KDM4C: variants seen among roughly 807,000 people sequenced by gnomAD.
KDM4C encodes lysine-specific demethylase 4C.
In KDM4C, 81 loss-of-function variants were observed where a neutral mutation model predicts 129.3. The ratio of observed to expected loss-of-function variants is 0.63; its 90% CI spans 0.52 to 0.75. The LOEUF (loss-of-function observed/expected upper bound fraction) is 0.75, where lower values mean the gene tolerates loss of function less well. Among genes scored for constraint, KDM4C ranks in the 30% least tolerant of loss-of-function variants. The pLI, the probability that KDM4C is intolerant of heterozygous loss-of-function variation, is 0.00. For synonymous variants in KDM4C, 573 were observed against 456.1 expected, an observed-to-expected ratio of 1.26 and a Z score of -3.26; for missense variants, 1,457 against 1,304.0, an observed-to-expected ratio of 1.12 and a Z score of -1.81.
intron 1 of KDM4C, among the ~76,000 whole-genome samples, chr9:6,738,306 G>T (rs1347929658): frequency 6.6e-6 from 1 of 151,870 alleles, no homozygotes; most frequent in Non-Finnish European, 1.5e-5. Flanking sequence ...GAGAAACCCC[G>T]TCTCTACTAA....
intron 1 of KDM4C, among the ~76,000 whole-genome samples, chr9:6,772,383 C>T (rs577752023): frequency 2.0e-4 from 29 of 146,778 alleles, no homozygotes; most frequent in South Asian, 6.5e-4. Context: ...TTTTTTGAGA[C>T]GGCGTCTTGC....
intron 3 of KDM4C, among the ~76,000 whole-genome samples, chr9:6,806,929 C>T (rs899182166): frequency 3.4e-5 from 5 of 145,350 alleles, no homozygotes; most frequent in East Asian, 1.9e-4. Flanking sequence ...CGTCTCCCCA[C>T]GGTCTCCCTC....
At chr9:6,886,129 T>C (rs1485759035) in intron 6 of KDM4C, among the ~76,000 whole-genome samples, 1 of 152,226 alleles carries the variant, frequency 6.6e-6, no homozygotes, top group Non-Finnish European at 1.5e-5. Context: ...CCCTTCTCTG[T>C]GTGTAGGACT....
At chr9:6,933,816 A>AT (rs138463070) in intron 8 of KDM4C, among the ~76,000 whole-genome samples, 16 of 151,498 alleles carry the variant, frequency 1.1e-4, no homozygotes, top group Middle Eastern at 3.4e-3. Flanking sequence ...TTTGAATTGC[A>AT]TTTTTTTCCA....
At chr9:6,742,475 T>C (rs1201956397) in intron 1 of KDM4C, among the ~76,000 whole-genome samples, 1 of 152,158 alleles carries the variant, frequency 6.6e-6, no homozygotes, top group Admixed American at 6.6e-5. Flanking sequence ...GGGTTTTTTC[T>C]GTTAAGGTTC....
chr9:6,792,356 ATTTATT>A (rs1826832257), intron 1 of KDM4C, among the ~76,000 whole-genome samples: 1 of 101,890 alleles, frequency 9.8e-6, no homozygotes, highest in Non-Finnish European at 2.1e-5. Context: ...AAAAATTTTT[ATTTATT>A]TTTTATTTAT....
intron 1 of KDM4C, among the ~76,000 whole-genome samples, chr9:6,762,147 G>T (rs994628483): frequency 1.3e-5 from 2 of 151,878 alleles, no homozygotes; most frequent in African/African-American, 2.4e-5. Flanking sequence ...TGTGCGCAAC[G>T]TGCAGGTTTG....
intron 18 of KDM4C, among the ~76,000 whole-genome samples, chr9:7,107,034 G>A (rs1837771790): frequency 6.6e-6 from 1 of 152,008 alleles, no homozygotes; most frequent in Admixed American, 6.6e-5. Context: ...TAAATTTTTA[G>A]CATGTGTTTG....
At chr9:6,895,646 A>G (rs1171506350) in intron 8 of KDM4C, among the ~76,000 whole-genome samples, 2 of 152,138 alleles carry the variant, frequency 1.3e-5, no homozygotes, top group Admixed American at 6.6e-5. Flanking sequence ...TCATGCCTAT[A>G]ACTAGCACTT....
intron 7 of KDM4C, among the ~76,000 whole-genome samples, chr9:6,892,409 A>AC (rs772240373): frequency 6.6e-6 from 1 of 152,160 alleles, no homozygotes; most frequent in Non-Finnish European, 1.5e-5. Flanking sequence ...GTAAAAAAAA[A>AC]GTCTTTAATC....
rs1248430597 is a variant in KDM4C, at chr9:7,128,060, T to C, written c.2611-6T>C. ...TTTTCTTCCTTTTTTGTGTCCCTTC[T>C]TTTAGAAGTCCAAGGCTTGCGAGAA... On this transcript the variant is annotated splice_polypyrimidine_tract_variant and splice_region_variant and intron_variant, in intron 18 of 21. Coordinates refer to ENST00000381309, the MANE Select transcript of KDM4C (RefSeq NM_015061.6). 3 of 1,492,570 alleles carry C rather than the reference T, an allele frequency of 2.0e-6. No homozygotes were observed. The highest frequency in any genetic ancestry group is 2.7e-6 in the Non-Finnish European group (3 of 1,117,292). 92.5% of individuals were successfully genotyped at this position (1,492,570 alleles called of 1,614,324 possible). A position where few individuals can be genotyped will look rare whatever the true frequency, so the allele number is the denominator to read the frequency against.
At chr9:7,060,833 G>A (rs1043976408) in intron 17 of KDM4C, among the ~76,000 whole-genome samples, 1 of 152,134 alleles carries the variant, frequency 6.6e-6, no homozygotes, top group African/African-American at 2.4e-5. Flanking sequence ...GCGTGGGCAT[G>A]CATATTTGTT....
intron 17 of KDM4C, among the ~76,000 whole-genome samples, chr9:7,064,401 G>T (rs747821688): frequency 4.6e-5 from 7 of 152,180 alleles, no homozygotes; most frequent in Non-Finnish European, 8.8e-5. Context: ...GCATAATGTG[G>T]AGTATGGTGG....
At chr9:6,826,111 C>T (rs1054515618) in intron 4 of KDM4C, among the ~76,000 whole-genome samples, 1 of 152,010 alleles carries the variant, frequency 6.6e-6, no homozygotes, top group African/African-American at 2.4e-5. Flanking sequence ...TGTGCCTGGC[C>T]TTGTGGAGAA....
Position 7,050,213 on chromosome 9 carries a change from A to G in KDM4C, c.2424+1013A>G, listed in dbSNP as rs778657031. ...ATCAAGAATTTCACTTCACTAGGAA[A>G]TATATGGGCCTTTCATGGAACTGAT... On this transcript the variant is annotated intron_variant, in intron 17 of 21. Transcript: ENST00000381309. Among the ~76,000 whole-genome samples, 156 of 151,970 alleles carry G rather than the reference A, an allele frequency of 1.0e-3. 5 individuals are homozygous for G. The highest frequency in any genetic ancestry group is 6.9e-4 in the Non-Finnish European group (47 of 67,976).
chr9:6,731,583 C>T lies in KDM4C; in HGVS notation c.49+10586C>T, dbSNP rs142374920. On this transcript the variant is annotated intron_variant, in intron 1 of 17. Transcript: ENST00000536108. ...CTGACCTCAGGTGATCCGCCCACCT[C>T]GGCCTCCCAAAGTGCTGGGATTACA... Among the ~76,000 whole-genome samples the T allele has an allele frequency of 7.4e-3, 1,133 of 152,132 alleles. 18 individuals carry two copies. The highest frequency in any genetic ancestry group is 0.026 in the African/African-American group (1,074 of 41,502).
chr9:6,954,978 C>A (rs1434319336), intron 8 of KDM4C, among the ~76,000 whole-genome samples: 1 of 152,298 alleles, frequency 6.6e-6, no homozygotes, highest in Admixed American at 6.5e-5. Context: ...CAGGGACTTT[C>A]TGTTGGAAGA....
rs1200623539 is a variant in KDM4C, at chr9:7,100,695, ATAAT to A, written c.2425-2987_2425-2984del. Among the ~76,000 whole-genome samples, 6 of 152,318 alleles carry A rather than the reference ATAAT, an allele frequency of 3.9e-5. No homozygotes were observed. The East Asian group carries it at 1.2e-3, about 29-fold the overall frequency. ...CATTCTGAGTGGCACTGTTTTTAAA[ATAAT>A]TACCTCATGTTGACCCAGGGTTTCT... On this transcript the variant is annotated intron_variant, in intron 17 of 21. Transcript: ENST00000381309.
At chr9:6,914,546 AC>A (rs1819955252) in intron 8 of KDM4C, among the ~76,000 whole-genome samples, 1 of 152,216 alleles carries the variant, frequency 6.6e-6, no homozygotes, top group Non-Finnish European at 1.5e-5. Context: ...ACATTAAAAA[AC>A]ATTAGCATTG....
Sources: allele counts gnomAD v4.1 joint callset (sites outside exome capture counted in the v4.1 genomes callset), GRCh38; gene constraint gnomAD v4.1.1; transcripts MANE v1.5; gene names NCBI Gene and HGNC (gene_info 2026-07-23, HGNC 2026-07-21).